ANO6: variants seen among roughly 807,000 people sequenced by gnomAD.
ANO6 encodes the protein anoctamin-6.
Under a neutral mutation model 117.5 loss-of-function variants are expected in ANO6, and 106 were observed. The ratio of observed to expected loss-of-function variants is 0.90; its 90% CI spans 0.77 to 1.06. The LOEUF is 1.06. Ranked by LOEUF, ANO6 falls within the 50% of genes least tolerant of loss-of-function variation. The probability of loss-of-function intolerance (pLI) is 0.00; values close to 1 mark genes in which losing one functional copy is unlikely to be tolerated. For missense variants in ANO6, 955 were observed against 1,121.1 expected, an observed-to-expected ratio of 0.85 and a Z score of 2.12; for synonymous variants, 367 against 385.1, an observed-to-expected ratio of 0.95 and a Z score of 0.55.
chr12:45,220,729 G>C lies in ANO6; in HGVS notation c.70+4338G>C, dbSNP rs74080974. 1.1e-3 allele frequency among the ~76,000 whole-genome samples: 175 copies of C among 152,308 alleles called. 2 individuals carry two copies. Among genetic ancestry groups the C allele is most frequent in the African/African-American group, 4.1e-3 (169 of 41,562 alleles). ...TAAGTGTCTTTTTGTATGCTAATAAGTTGACAGATGGCTGGCAGCCCCTAG... is the reference window on the plus strand; with the variant it reads ...TAAGTGTCTTTTTGTATGCTAATAACTTGACAGATGGCTGGCAGCCCCTAG... On this transcript the variant is annotated intron_variant, in intron 1 of 19. Coordinates refer to ENST00000320560, the MANE Select transcript of ANO6 (RefSeq NM_001025356.3).
intron 1 of ANO6, among the ~76,000 whole-genome samples, chr12:45,288,299 G>A (rs1592920344): frequency 6.6e-6 from 1 of 152,154 alleles, no homozygotes; most frequent in Admixed American, 6.5e-5. Context: ...AAAGCATTAA[G>A]TACATTCACA....
chr12:45,245,541 T>G (rs1947812255), intron 1 of ANO6, among the ~76,000 whole-genome samples: 1 of 152,118 alleles, frequency 6.6e-6, no homozygotes, highest in African/African-American at 2.4e-5. Context: ...TTTCACTGTT[T>G]TACAGGCATT....
intron 1 of ANO6, among the ~76,000 whole-genome samples, chr12:45,239,001 T>C (rs1445370056): frequency 6.6e-6 from 1 of 152,238 alleles, no homozygotes; most frequent in African/African-American, 2.4e-5. Flanking sequence ...TCTAAAATTC[T>C]CTTTCTTTCT....
chr12:45,372,251 T>C (rs1294667798), intron 9 of ANO6, among the ~76,000 whole-genome samples: 1 of 146,444 alleles, frequency 6.8e-6, no homozygotes, highest in Non-Finnish European at 1.5e-5. Context: ...TACCTGAAAG[T>C]GATGGGGAGA....
rs565598337 is a variant in ANO6 at position 45,287,932 on chromosome 12, A to G, written c.71-14082A>G. Reference sequence around the variant, plus strand: ...GTCTTAGATCATATAAAACATAACAATTTTTAAAATTATATACCCTTTAGT... The same window carrying G: ...GTCTTAGATCATATAAAACATAACAGTTTTTAAAATTATATACCCTTTAGT... On this transcript the variant is annotated intron_variant, in intron 1 of 19. Coordinates refer to ENST00000320560, the MANE Select transcript of ANO6 (RefSeq NM_001025356.3). Among the ~76,000 whole-genome samples the G allele has an allele frequency of 2.9e-3, 439 of 152,310 alleles. 1 individual carries two copies. Among genetic ancestry groups the G allele is most frequent in the African/African-American group, 8.8e-3 (366 of 41,574 alleles).
intron 9 of ANO6, among the ~76,000 whole-genome samples, chr12:45,376,257 CTG>C (rs1942013396): frequency 7.7e-6 from 1 of 130,486 alleles, no homozygotes; most frequent in Non-Finnish European, 1.6e-5. Flanking sequence ...GTTGGTGGGA[CTG>C]TAAACTAGTT....
At position 45,387,868 on chromosome 12, in the gene ANO6, G is replaced by A. The variant is rs571657651; in HGVS notation, c.1166-293G>A. ...GAGTGAGTTCTCATGAGATCTGATG[G>A]TTTAAAGCTGTGGCACTTTCCTCCG... On this transcript the variant is annotated intron_variant, in intron 10 of 19. Coordinates refer to ENST00000320560, the MANE Select transcript of ANO6 (RefSeq NM_001025356.3). 2.0e-5 allele frequency among the ~76,000 whole-genome samples: 3 copies of A among 152,240 alleles called. No homozygotes were observed. The South Asian group carries it at 6.2e-4, about 32-fold the overall frequency.
At chr12:45,405,411 A>G (rs919978781) in intron 15 of ANO6, among the ~76,000 whole-genome samples, 7 of 152,226 alleles carry the variant, frequency 4.6e-5, no homozygotes, top group Non-Finnish European at 8.8e-5. Context: ...GAATTATACT[A>G]TCCGTGGTTT....
chr12:45,251,811 T>C lies in ANO6; in HGVS notation c.70+35420T>C, dbSNP rs751790725. Among the ~76,000 whole-genome samples the C allele has an allele frequency of 1.5e-3, 230 of 152,308 alleles. 1 individual carries two copies. The highest frequency in any genetic ancestry group is 8.4e-4 in the Non-Finnish European group (57 of 68,022). On this transcript the variant is annotated intron_variant, in intron 1 of 19. Coordinates refer to ENST00000320560, the MANE Select transcript of ANO6 (RefSeq NM_001025356.3). ...ACTGTGTGTGGTAGAGTTTGTTCAATTGTGGTAAACTTACTGTTTTAAACT... is the reference window on the plus strand; with the variant it reads ...ACTGTGTGTGGTAGAGTTTGTTCAACTGTGGTAAACTTACTGTTTTAAACT...
chr12:45,276,364 G>A lies in ANO6; in HGVS notation c.71-25650G>A, dbSNP rs116323959. On this transcript the variant is annotated intron_variant, in intron 1 of 19. Transcript: ENST00000320560. ...GTGCCATCCCATTGTTTACCTGTCA[G>A]TGTTTACCTCACTTGTTCCCCAGCC... 9.6e-3 allele frequency among the ~76,000 whole-genome samples: 1,465 copies of A among 152,258 alleles called. 25 individuals carry two copies. Among genetic ancestry groups the A allele is most frequent in the African/African-American group, 0.033 (1,379 of 41,552 alleles).
intron 1 of ANO6, among the ~76,000 whole-genome samples, chr12:45,267,401 G>A (rs1325563203): frequency 6.6e-6 from 1 of 152,154 alleles, no homozygotes; most frequent in Admixed American, 6.5e-5. Context: ...TAAAGACCCT[G>A]TCTTTTCCAA....
At chr12:45,235,664 G>A (rs887031433) in intron 1 of ANO6, among the ~76,000 whole-genome samples, 1 of 152,170 alleles carries the variant, frequency 6.6e-6, no homozygotes, top group Non-Finnish European at 1.5e-5. Context: ...CTTCAGTATG[G>A]AAAATGGATA....
chr12:45,425,511 G>A (rs1165314959), intron 19 of ANO6, among the ~76,000 whole-genome samples: 1 of 152,200 alleles, frequency 6.6e-6, no homozygotes, highest in Non-Finnish European at 1.5e-5. Flanking sequence ...ATGACTAACA[G>A]AGAAAACTAA....
chr12:45,242,389 G>A (rs1256640272), intron 1 of ANO6, among the ~76,000 whole-genome samples: 2 of 152,270 alleles, frequency 1.3e-5, no homozygotes, highest in Non-Finnish European at 2.9e-5. Context: ...CCAGGCATGG[G>A]AGAGAATCGC....
intron 16 of ANO6, among the ~76,000 whole-genome samples, chr12:45,410,747 T>G (rs1345819881): frequency 1.3e-5 from 2 of 152,258 alleles, no homozygotes; most frequent in Admixed American, 6.5e-5. Flanking sequence ...GGTTCCTGTT[T>G]ACAAGTCTGC....
intron 1 of ANO6, among the ~76,000 whole-genome samples, chr12:45,278,068 C>G (rs549634111): frequency 1.3e-5 from 2 of 152,136 alleles, no homozygotes; most frequent in African/African-American, 2.4e-5. Flanking sequence ...CCTCCCCGCT[C>G]AAACCACCCT....
At chr12:45,382,048 A>G (rs1270223013) in intron 10 of ANO6, among the ~76,000 whole-genome samples, 1 of 152,200 alleles carries the variant, frequency 6.6e-6, no homozygotes, top group Non-Finnish European at 1.5e-5. Flanking sequence ...AGTGACAAGC[A>G]TAGAATAAGA....
Position 45,416,870 on chromosome 12 carries a change from T to C in ANO6, c.2183T>C (p.Met728Thr), listed in dbSNP as rs61740396. 3,302 of 1,614,176 alleles carry C rather than the reference T, an allele frequency of 2.0e-3. 65 individuals carry two copies. In the African/African-American group the frequency reaches 0.039, roughly 19 times the overall value. The change falls in exon 17 of 20, where the codon ATG (methionine) becomes ACG (threonine). Residue 728 changes from methionine (M) to threonine (T), a missense_variant. Transcript: ENST00000320560. Reference sequence around the variant, plus strand: ...GACATTGGAGCATGGCAGCCCATCATGCAAGGAATAGCAATTCTGGCTGTG... The same window carrying C: ...GACATTGGAGCATGGCAGCCCATCACGCAAGGAATAGCAATTCTGGCTGTG... Reference protein sequence around the residue: ...AQDIGAWQPIMQGIAILAVVT... With the variant: ...AQDIGAWQPITQGIAILAVVT...
chr12:45,288,800 T>G lies in ANO6; in HGVS notation c.71-13214T>G, dbSNP rs766448527. On this transcript the variant is annotated intron_variant, in intron 1 of 19. Transcript: ENST00000320560. ...TCTCACTCTGTCGCCCAGGCTGGAG[T>G]GCAGTGGCACTATCGCAGCTCACTG... is the stretch of plus-strand genomic sequence containing the variant. Among the ~76,000 whole-genome samples the G allele has an allele frequency of 8.5e-5, 13 of 152,278 alleles. No homozygotes were observed. In the Middle Eastern group the frequency reaches 0.014, roughly 159 times the overall value.
Sources: allele counts gnomAD v4.1 joint callset (sites outside exome capture counted in the v4.1 genomes callset), GRCh38; gene constraint gnomAD v4.1.1; transcripts MANE v1.5; gene names NCBI Gene and HGNC (gene_info 2026-07-23, HGNC 2026-07-21).